LRRC15: variants seen among roughly 807,000 people sequenced by gnomAD.
LRRC15 encodes the protein leucine-rich repeat-containing protein 15.
A neutral mutation model predicts 4.3 loss-of-function variants in LRRC15; 5 were observed. The ratio of observed to expected loss-of-function variants is 1.16; its 90% CI spans 0.61 to 2.44. The LOEUF (loss-of-function observed/expected upper bound fraction) is 2.44, where lower values mean the gene tolerates loss of function less well. Ranked by LOEUF, LRRC15 falls within the 30% of genes most tolerant of loss-of-function variation. LRRC15 has a pLI of 0.01. For missense variants in LRRC15, 769 were observed against 747.0 expected, an observed-to-expected ratio of 1.03 and a Z score of -0.34; for synonymous variants, 337 against 323.2, an observed-to-expected ratio of 1.04 and a Z score of -0.46.
Position 194,359,302 on chromosome 3 carries a change from C to T in LRRC15, c.1742G>A (p.Cys581Tyr), listed in dbSNP as rs1713524531. Reference protein sequence around the residue: ...VLMQMKAPNEC With the variant: ...VLMQMKAPNEY ...GCCCTGCTCCAGCCTGCCTCTTTAA[C>T]ACTCATTGGGTGCCTTCATCTGCAT... The change falls in exon 2 of 2, where the codon TGT becomes TAT. Residue 581 changes from cysteine to tyrosine, a missense_variant. Transcript: ENST00000347624. The T allele has an allele frequency of 1.9e-6, 3 of 1,577,756 alleles. No homozygotes were observed. The highest frequency in any genetic ancestry group is 2.6e-6 in the Non-Finnish European group (3 of 1,160,702).
chr3:194,369,704 G>C lies in LRRC15; in HGVS notation c.-47C>G, dbSNP rs1713891392. ...CCGCCGTGGACAAGAGGGAGCCTGA[G>C]AGGAGGACGAGGGACGGCTCAAGGC... On this transcript the variant is annotated 5_prime_UTR_variant, in exon 1 of 2. Transcript: ENST00000347624. 6.6e-6 allele frequency: 1 copy of C among 152,432 alleles called. No homozygotes were observed. Among genetic ancestry groups the C allele is most frequent in the South Asian group, 2.1e-4 (1 of 4,832 alleles). 9.4% of individuals were successfully genotyped at this position (152,432 alleles called of 1,614,324 possible). A position where few individuals can be genotyped will look rare whatever the true frequency, so the allele number is the denominator to read the frequency against.
chr3:194,359,755 T>A lies in LRRC15; in HGVS notation c.1289A>T (p.Asp430Val). 1 of 1,614,128 alleles carries A rather than the reference T, an allele frequency of 6.2e-7. No homozygotes were observed. The highest frequency in any genetic ancestry group is 8.5e-7 in the Non-Finnish European group (1 of 1,180,012). The change falls in exon 2 of 2, where the codon GAC becomes GTC. Residue 430 changes from aspartate (D) to valine (V), a missense_variant. Transcript: ENST00000347624. ...GAGCCAGTTGCGGAGCGGAAGGATG[T>A]CTGAGTCACACCTCCAGGGATTGTC... is the stretch of plus-strand genomic sequence containing the variant. ...LYDNPWRCDSDILPLRNWLLL... is the reference protein window; with the variant it reads ...LYDNPWRCDSVILPLRNWLLL...
Position 194,360,999 on chromosome 3 carries a change from G to A in LRRC15, c.45C>T (p.Ala15=). 2 of 1,527,144 alleles carry A rather than the reference G, an allele frequency of 1.3e-6. No individual in the cohort carries two copies. The highest frequency in any genetic ancestry group is 2.5e-5 in the South Asian group (2 of 78,460). The allele number at this position is 1,527,144 out of a possible 1,614,324, so 94.6% of individuals were successfully genotyped here. The change falls in exon 2 of 2, where the codon GCC becomes GCT. Residue 15 remains alanine (A), a synonymous_variant. Coordinates refer to ENST00000347624, the MANE Select transcript of LRRC15 (RefSeq NM_130830.5). ...HYLLLLVGCQ[A]WGAGLAYHGC... ...CATGGTAGGCCAACCCTGCACCCCA[G>A]GCTTGGCAGCCCACCAGCAAAAGGA...
At position 194,356,230 on chromosome 3, in the gene LRRC15, A is replaced by C. The variant is rs1296411528; in HGVS notation, c.*3068T>G. The C allele has an allele frequency of 6.6e-6, 1 of 152,260 alleles. No homozygotes were observed. The highest frequency in any genetic ancestry group is 1.5e-5 in the Non-Finnish European group (1 of 68,056). The allele number at this position is 152,260 out of a possible 1,614,324, so 9.4% of individuals were successfully genotyped here. A position where few individuals can be genotyped will look rare whatever the true frequency, so the allele number is the denominator to read the frequency against. On this transcript the variant is annotated 3_prime_UTR_variant, in exon 2 of 2. Transcript: ENST00000347624. ...GAGAGAATCCACGTCCAGTGCTTGA[A>C]GAGTATCTGTGCACAGTAAGCACTT...
chr3:194,362,968 G>A (rs1041516057), intron 1 of LRRC15, among the ~76,000 whole-genome samples: 6 of 136,170 alleles, frequency 4.4e-5, no homozygotes, highest in Non-Finnish European at 9.2e-5. Context: ...TTGAGATGGA[G>A]TCTCGCTCTG....
At chr3:194,366,562 G>A (rs188398465) in intron 1 of LRRC15, among the ~76,000 whole-genome samples, 142 of 152,216 alleles carry the variant, frequency 9.3e-4, no homozygotes, top group Admixed American at 8.3e-3. Flanking sequence ...CAGACCTTTT[G>A]TCACTGACCG....
intron 1 of LRRC15, among the ~76,000 whole-genome samples, chr3:194,368,950 G>A (rs1378916460): frequency 2.6e-5 from 4 of 152,190 alleles, no homozygotes; most frequent in South Asian, 2.1e-4. Flanking sequence ...AAGCCTCCAG[G>A]CTCCACAGAG....
At position 194,360,763 on chromosome 3, in the gene LRRC15, GGCGTGAT is replaced by G; in HGVS notation, c.274_280del (p.Ile92LeufsTer80). The stretch of plus-strand genomic sequence containing the variant: ...CGAGCCCAGGTTTCGGAAGGCCCCA[GGCGTGAT>G]GCGCGACAGCTCATTCTTCTCAATC... On this transcript the variant is annotated frameshift_variant, in exon 2 of 2. Transcript: ENST00000347624. LOFTEE classifies it low-confidence loss of function (END_TRUNC). 2 of 1,614,244 alleles carry G rather than the reference GGCGTGAT, an allele frequency of 1.2e-6. No homozygotes were observed. The highest frequency in any genetic ancestry group is 8.5e-7 in the Non-Finnish European group (1 of 1,180,040).
intron 1 of LRRC15, among the ~76,000 whole-genome samples, chr3:194,366,557 C>T (rs1017442577): frequency 1.3e-5 from 2 of 152,064 alleles, no homozygotes; most frequent in South Asian, 4.1e-4. Flanking sequence ...AGGCTCAGAC[C>T]TTTTGTCACT....
intron 1 of LRRC15, among the ~76,000 whole-genome samples, chr3:194,361,297 C>A (rs1713622152): frequency 6.6e-6 from 1 of 152,262 alleles, no homozygotes; most frequent in Non-Finnish European, 1.5e-5. Flanking sequence ...TTTTCCCATG[C>A]TTCCACGTCC....
In LRRC15 at chr3:194,360,903, C is replaced by G; in HGVS notation, c.141G>C (p.Val47=). The change falls in exon 2 of 2, where the codon GTG becomes GTC. Residue 47 remains valine (V), a synonymous_variant. Coordinates refer to ENST00000347624, the MANE Select transcript of LRRC15 (RefSeq NM_130830.5). ...TGGCGTTCCAGGGCAGAGGGGTGGG[C>G]ACTGCCACAATGCGTGCCCCGGTGC... ...VECTGARIVA[V]PTPLPWNAMS... is the part of the protein sequence containing the mutation. 2 of 1,605,020 alleles carry G rather than the reference C, an allele frequency of 1.2e-6. No individual in the cohort carries two copies. Among genetic ancestry groups the G allele is most frequent in the Non-Finnish European group, 1.7e-6 (2 of 1,175,568 alleles).
At chr3:194,367,960 G>A (rs1479951015) in intron 1 of LRRC15, among the ~76,000 whole-genome samples, 5 of 152,234 alleles carry the variant, frequency 3.3e-5, no homozygotes, top group African/African-American at 1.2e-4. Context: ...CCTGGCAAGG[G>A]TGGCAGGAGA....
At chr3:194,365,027 G>A (rs564577360) in intron 1 of LRRC15, among the ~76,000 whole-genome samples, 7 of 152,326 alleles carry the variant, frequency 4.6e-5, no homozygotes, top group East Asian at 3.9e-4. Flanking sequence ...AATAGCCCAC[G>A]CTGCCTGGTG....
chr3:194,369,717 G>A lies in LRRC15; in HGVS notation c.-60C>T, dbSNP rs1006211996. ...GAGGGAGCCTGAGAGGAGGACGAGG[G>A]ACGGCTCAAGGCTGCAGCATGAGTG... On this transcript the variant is annotated 5_prime_UTR_variant, in exon 1 of 2. Transcript: ENST00000347624. 1 of 152,380 alleles carries A rather than the reference G, an allele frequency of 6.6e-6. No individual in the cohort carries two copies. Among genetic ancestry groups the A allele is most frequent in the Non-Finnish European group, 1.5e-5 (1 of 68,186 alleles). 9.4% of individuals were successfully genotyped at this position (152,380 alleles called of 1,614,324 possible).
intron 1 of LRRC15, among the ~76,000 whole-genome samples, chr3:194,368,711 G>C (rs915673916): frequency 6.6e-6 from 1 of 152,144 alleles, no homozygotes; most frequent in African/African-American, 2.4e-5. Context: ...ATCTCAGAGA[G>C]AGTGCAGCTG....
rs1713497718 is a variant in LRRC15 at position 194,358,510 on chromosome 3, G to A, written c.*788C>T. The A allele has an allele frequency of 6.6e-6, 1 of 152,154 alleles. No homozygotes were observed. Among genetic ancestry groups the A allele is most frequent in the South Asian group, 2.1e-4 (1 of 4,816 alleles). 9.4% of individuals were successfully genotyped at this position (152,154 alleles called of 1,614,324 possible). On this transcript the variant is annotated 3_prime_UTR_variant, in exon 2 of 2. Coordinates refer to ENST00000347624, the MANE Select transcript of LRRC15 (RefSeq NM_130830.5). ...TTCTACATGATTTCATTCCTTAAAG[G>A]GCTAAACTTTTCAAAGCAAAGTTTG... is the stretch of plus-strand genomic sequence containing the variant.
At chr3:194,368,673 T>G (rs9863231) in intron 1 of LRRC15, among the ~76,000 whole-genome samples, 1 of 151,874 alleles carries the variant, frequency 6.6e-6, no homozygotes, top group Non-Finnish European at 1.5e-5. Context: ...GACAGGCACC[T>G]GGCACCTGCG....
intron 1 of LRRC15, among the ~76,000 whole-genome samples, chr3:194,366,407 ACCCGCAGAGATCCTGAT>A (rs973511665): frequency 7.9e-5 from 12 of 152,162 alleles, no homozygotes; most frequent in Admixed American, 5.2e-4. Flanking sequence ...TGGAGACTCC[ACCCGCAGAGATCCTGAT>A]CCCTAGGTCT....
At position 194,355,900 on chromosome 3, in the gene LRRC15, C is replaced by A. The variant is rs576669157; in HGVS notation, c.*3398G>T. On this transcript the variant is annotated 3_prime_UTR_variant, in exon 2 of 2. Transcript: ENST00000347624. Reference sequence around the variant, plus strand: ...TACAGCCCAATTCCCATGAGAGGGACAAACTATTCTATTCTTTAAGGGATG... The same window carrying A: ...TACAGCCCAATTCCCATGAGAGGGAAAAACTATTCTATTCTTTAAGGGATG... 4 of 152,226 alleles carry A rather than the reference C, an allele frequency of 2.6e-5. No homozygotes were observed. Among genetic ancestry groups the A allele is most frequent in the Non-Finnish European group, 5.9e-5 (4 of 68,038 alleles). The allele number at this position is 152,226 out of a possible 1,614,324, so 9.4% of individuals were successfully genotyped here. A position where few individuals can be genotyped will look rare whatever the true frequency, so the allele number is the denominator to read the frequency against.
Sources: allele counts gnomAD v4.1 joint callset (sites outside exome capture counted in the v4.1 genomes callset), GRCh38; gene constraint gnomAD v4.1.1; transcripts MANE v1.5; gene names NCBI Gene and HGNC (gene_info 2026-07-23, HGNC 2026-07-21).